CMTM8: variants seen among roughly 807,000 people sequenced by gnomAD.
CMTM8 encodes the protein CKLF-like MARVEL transmembrane domain-containing protein 8.
A neutral mutation model predicts 18.6 loss-of-function variants in CMTM8; 12 were observed. That is an observed-to-expected ratio of 0.65 (90% CI 0.41 to 1.05). CMTM8 has a LOEUF of 1.05. Ranked by LOEUF, CMTM8 falls within the 50% of genes least tolerant of loss-of-function variation. The pLI is 0.00. For missense variants in CMTM8, 217 were observed against 227.2 expected (o/e 0.95, Z 0.29); for synonymous variants, 87 against 90.6 (o/e 0.96, Z 0.23).
At chr3:32,352,140 T>A (rs1164012562) in intron 1 of CMTM8, among the ~76,000 whole-genome samples, 1 of 140,238 alleles carries the variant, frequency 7.1e-6, no homozygotes, top group Non-Finnish European at 1.5e-5. Flanking sequence ...ATCACACCAC[T>A]GCACTCCAGC....
intron 1 of CMTM8, among the ~76,000 whole-genome samples, chr3:32,343,422 G>T (rs1696536614): frequency 6.6e-6 from 1 of 152,136 alleles, no homozygotes; most frequent in Non-Finnish European, 1.5e-5. Flanking sequence ...GTCAAGACCT[G>T]CAAAGACCCA....
intron 1 of CMTM8, among the ~76,000 whole-genome samples, chr3:32,289,644 A>G (rs1413541455): frequency 1.3e-5 from 2 of 152,242 alleles, no homozygotes; most frequent in Non-Finnish European, 2.9e-5. Flanking sequence ...AAGCCAGTCT[A>G]ACTGAAATAG....
intron 1 of CMTM8, among the ~76,000 whole-genome samples, chr3:32,350,175 A>G (rs1045698211): frequency 1.3e-5 from 2 of 151,868 alleles, no homozygotes; most frequent in South Asian, 2.1e-4. Flanking sequence ...CTTCCCACCA[A>G]TCCTCCTTAT....
intron 1 of CMTM8, among the ~76,000 whole-genome samples, chr3:32,342,612 G>A (rs956806087): frequency 3.9e-5 from 6 of 152,182 alleles, no homozygotes; most frequent in Non-Finnish European, 7.3e-5. Context: ...CACTTAGCCT[G>A]ACATCGTGTT....
At chr3:32,276,058 T>C (rs980863988) in intron 1 of CMTM8, among the ~76,000 whole-genome samples, 2 of 152,204 alleles carry the variant, frequency 1.3e-5, no homozygotes, top group African/African-American at 4.8e-5. Context: ...AGAAGCTCAC[T>C]GGTCCCAGTG....
intron 1 of CMTM8, among the ~76,000 whole-genome samples, chr3:32,268,110 T>G (rs1174576173): frequency 6.6e-6 from 1 of 152,156 alleles, no homozygotes; most frequent in African/African-American, 2.4e-5. Context: ...ACCCAAAGGA[T>G]TATAAATCAT....
chr3:32,349,281 A>C (rs923753918), intron 1 of CMTM8, among the ~76,000 whole-genome samples: 2 of 152,170 alleles, frequency 1.3e-5, no homozygotes, highest in East Asian at 1.9e-4. Context: ...TTCATTGAAG[A>C]TTGACCTGGC....
At chr3:32,322,754 C>T (rs781361019) in intron 1 of CMTM8, among the ~76,000 whole-genome samples, 2 of 152,148 alleles carry the variant, frequency 1.3e-5, no homozygotes, top group Non-Finnish European at 2.9e-5. Flanking sequence ...GACCTGAGAC[C>T]GAGTTGCTGT....
chr3:32,349,169 T>C (rs1427855800), intron 1 of CMTM8, among the ~76,000 whole-genome samples: 12 of 152,138 alleles, frequency 7.9e-5, no homozygotes. Flanking sequence ...TAGGCTTTGC[T>C]TTCTTCATAG....
At chr3:32,307,756 G>T (rs1308554226) in intron 1 of CMTM8, among the ~76,000 whole-genome samples, 3 of 152,122 alleles carry the variant, frequency 2.0e-5, no homozygotes, top group Non-Finnish European at 4.4e-5. Context: ...AGCTCCCCAG[G>T]CCCCACCCCC....
chr3:32,249,030 CTTTTTTTTTTTTTTT>C (rs58156524), intron 1 of CMTM8, among the ~76,000 whole-genome samples: 1 of 62,462 alleles, frequency 1.6e-5, no homozygotes, highest in Admixed American at 2.6e-4. Context: ...AATGTGGAAT[CTTTTTTTTTTTTTTT>C]TTTTTTTTTT....
At chr3:32,329,477 G>A (rs1696229634) in intron 1 of CMTM8, among the ~76,000 whole-genome samples, 1 of 152,164 alleles carries the variant, frequency 6.6e-6, no homozygotes, top group Non-Finnish European at 1.5e-5. Context: ...TCAACATGAA[G>A]ACTGATGTAA....
In CMTM8 at chr3:32,302,627, G is replaced by A. The variant is rs138977821; in HGVS notation, c.148-54746G>A. 2.2e-4 allele frequency among the ~76,000 whole-genome samples: 33 copies of A among 152,302 alleles called. No individual in the cohort carries two copies. In the East Asian group the frequency reaches 5.8e-3, roughly 27 times the overall value. The stretch of plus-strand genomic sequence containing the variant: ...CTTTTGAATTTAGAAGTGGACTTGT[G>A]AGTGCTAGGATTTCCCTGGGTTTTT... On this transcript the variant is annotated intron_variant, in intron 1 of 3. Coordinates refer to ENST00000307526, the MANE Select transcript of CMTM8 (RefSeq NM_178868.5).
intron 1 of CMTM8, among the ~76,000 whole-genome samples, chr3:32,266,342 A>T (rs1243522169): frequency 1.3e-5 from 2 of 152,260 alleles, no homozygotes; most frequent in Non-Finnish European, 2.9e-5. Context: ...AAACAGAACC[A>T]ATGACAAAAA....
At chr3:32,334,317 AG>A (rs974971863) in intron 1 of CMTM8, among the ~76,000 whole-genome samples, 3 of 151,652 alleles carry the variant, frequency 2.0e-5, no homozygotes, top group African/African-American at 7.2e-5. Flanking sequence ...TCTAAAAAAT[AG>A]TCTATTGACC....
At chr3:32,307,252 A>G (rs1695732002) in intron 1 of CMTM8, among the ~76,000 whole-genome samples, 1 of 152,226 alleles carries the variant, frequency 6.6e-6, no homozygotes, top group South Asian at 2.1e-4. Context: ...AGGCAAGAGA[A>G]TCACTTGAAA....
intron 1 of CMTM8, among the ~76,000 whole-genome samples, chr3:32,331,442 A>G (rs1575180032): frequency 6.6e-6 from 1 of 152,126 alleles, no homozygotes; most frequent in Non-Finnish European, 1.5e-5. Flanking sequence ...AATGTACTAT[A>G]TGACCCAACA....
chr3:32,249,030 C>CTTTTTTTTTTTTTT lies in CMTM8; in HGVS notation c.147+9926_147+9939dup, dbSNP rs58156524. ...ATGGAGTTACTGGGTAATGTGGAAT[C>CTTTTTTTTTTTTTT]TTTTTTTTTTTTTTTTTTTTTTTTT... On this transcript the variant is annotated intron_variant, in intron 1 of 3. Transcript: ENST00000307526. Among the ~76,000 whole-genome samples, 3 of 62,462 alleles carry CTTTTTTTTTTTTTT rather than the reference C, an allele frequency of 4.8e-5. 1 individual carries two copies. Among genetic ancestry groups the CTTTTTTTTTTTTTT allele is most frequent in the African/African-American group, 1.4e-4 (2 of 14,606 alleles). The allele number at this position is 62,462 out of a possible 152,430, so 41.0% of individuals were successfully genotyped here.
At chr3:32,298,937 ATATGTATATATATATATATT>A (rs1695549288) in intron 1 of CMTM8, among the ~76,000 whole-genome samples, 3 of 131,910 alleles carry the variant, frequency 2.3e-5, no homozygotes, top group African/African-American at 8.5e-5. Context: ...ATATATATAT[ATATGTATATATATATATATT>A]TTTTTTTTTT....
Sources: gnomAD v4.1 joint callset for allele counts (sites outside exome capture counted in the v4.1 genomes callset) on GRCh38, gnomAD v4.1.1 for gene constraint, MANE v1.5 for transcripts, NCBI Gene and HGNC (gene_info 2026-07-23, HGNC 2026-07-21) for gene names.